The following CEP70 variants were observed in gnomAD, a reference collection of about 807,000 sequenced individuals.
CEP70 encodes centrosomal protein 70.
Under a neutral mutation model 90.9 loss-of-function variants are expected in CEP70, and 70 were observed. That is an observed-to-expected ratio of 0.77 (90% confidence interval 0.64 to 0.94). CEP70 has a LOEUF of 0.94. Among genes scored for constraint, CEP70 ranks in the 40% least tolerant of loss-of-function variants. CEP70 has a pLI of 0.00. For missense variants in CEP70, 648 were observed against 669.0 expected (o/e 0.97, Z 0.35); for synonymous variants, 220 against 228.3 (o/e 0.96, Z 0.33).
rs141242189 is a variant in CEP70 at position 138,505,965 on chromosome 3, G to A, written c.1051-500C>T. On this transcript the variant is annotated intron_variant, in intron 12 of 17. Coordinates refer to ENST00000264982, the MANE Select transcript of CEP70 (RefSeq NM_024491.4). ...CCAGAATAATGTTTAACCAAATATC[G>A]GGCATCCTATGCCGCAGTAAAGTTG... is the stretch of plus-strand genomic sequence containing the variant. Among the ~76,000 whole-genome samples, 1,038 of 152,188 alleles carry A rather than the reference G, an allele frequency of 6.8e-3. 5 individuals carry two copies. Among genetic ancestry groups the A allele is most frequent in the Non-Finnish European group, 0.011 (754 of 68,014 alleles).
intron 11 of CEP70, among the ~76,000 whole-genome samples, chr3:138,509,418 G>T (rs1000102623): frequency 5.9e-5 from 9 of 152,134 alleles, no homozygotes; most frequent in African/African-American, 2.2e-4. Flanking sequence ...ATTATTCCAG[G>T]TGGCTACTAG....
chr3:138,527,884 A>G (rs188628014), intron 10 of CEP70, among the ~76,000 whole-genome samples: 3 of 151,978 alleles, frequency 2.0e-5, no homozygotes, highest in Admixed American at 2.0e-4. Context: ...TGTGATTGTT[A>G]GGGTGATTAT....
intron 6 of CEP70, 92 bp from the exon 7 acceptor site, chr3:138,537,439 T>C: frequency 1.3e-6 from 1 of 798,638 alleles, no homozygotes; most frequent in Non-Finnish European, 1.8e-6. Context: ...CTTCATAGTT[T>C]CTACTGAGCT....
At chr3:138,592,284 C>T (rs1287981188) in intron 1 of CEP70, among the ~76,000 whole-genome samples, 1 of 152,218 alleles carries the variant, frequency 6.6e-6, no homozygotes, top group African/African-American at 2.4e-5. Flanking sequence ...GAAGCATCCT[C>T]AGACAAACTA....
At chr3:138,590,792 C>G (rs936344275) in intron 2 of CEP70, among the ~76,000 whole-genome samples, 1 of 151,472 alleles carries the variant, frequency 6.6e-6, no homozygotes, top group African/African-American at 2.4e-5. Flanking sequence ...GCCTGGACAA[C>G]AGAATGAGAC....
intron 8 of CEP70, among the ~76,000 whole-genome samples, chr3:138,531,356 C>CTAAAA (rs2107768554): frequency 6.6e-6 from 1 of 152,214 alleles, no homozygotes; most frequent in East Asian, 1.9e-4. Context: ...TCTACTCTTA[C>CTAAAA]TAAAAACCCC....
At chr3:138,501,882 G>A (rs184615867) in intron 13 of CEP70, among the ~76,000 whole-genome samples, 7 of 152,196 alleles carry the variant, frequency 4.6e-5, no homozygotes, top group Admixed American at 1.3e-4. Context: ...TCTGAATTTC[G>A]GATTTTTGGA....
rs544033926 is a variant in CEP70 at position 138,525,635 on chromosome 3, C to T, written c.870-71G>A. 1.5e-4 allele frequency: 98 copies of T among 674,506 alleles called. No individual in the cohort carries two copies. In the South Asian group the frequency reaches 2.1e-3, roughly 14 times the overall value. 41.8% of individuals were successfully genotyped at this position (674,506 alleles called of 1,614,324 possible). A position where few individuals can be genotyped will look rare whatever the true frequency, so the allele number is the denominator to read the frequency against. ...AAGCATAAAGGTACTTAAATATTAA[C>T]GACATACAAAACTTTGTTACTTGTC... On this transcript the variant is annotated intron_variant, in intron 10 of 17. Coordinates refer to ENST00000264982, the MANE Select transcript of CEP70 (RefSeq NM_024491.4).
chr3:138,580,110 G>A (rs899429895), intron 2 of CEP70, among the ~76,000 whole-genome samples: 1 of 152,064 alleles, frequency 6.6e-6, no homozygotes, highest in Non-Finnish European at 1.5e-5. Flanking sequence ...TAGACAAGTG[G>A]AGCCTTCTCT....
At chr3:138,553,299 G>A (rs1049224187) in intron 6 of CEP70, among the ~76,000 whole-genome samples, 2 of 152,100 alleles carry the variant, frequency 1.3e-5, no homozygotes, top group East Asian at 1.9e-4. Context: ...CTAACACGGT[G>A]AAACCCCGTG....
At chr3:138,567,640 A>G (rs1228124006) in intron 6 of CEP70, among the ~76,000 whole-genome samples, 2 of 152,142 alleles carry the variant, frequency 1.3e-5, no homozygotes, top group East Asian at 3.9e-4. Context: ...AGTCCTTAAT[A>G]TATTTACCTT....
At chr3:138,554,920 T>C (rs1241298785) in intron 6 of CEP70, among the ~76,000 whole-genome samples, 3 of 152,110 alleles carry the variant, frequency 2.0e-5, no homozygotes. Flanking sequence ...ACGCCACATG[T>C]AGAAGAATGA....
intron 17 of CEP70, chr3:138,496,309 C>A: frequency 1.0e-6 from 1 of 985,358 alleles, no homozygotes; most frequent in Non-Finnish European, 1.2e-6. Flanking sequence ...TCCTACTATT[C>A]ATTTAGTTCT....
At chr3:138,520,617 G>T (rs1467453001) in intron 11 of CEP70, among the ~76,000 whole-genome samples, 2 of 152,180 alleles carry the variant, frequency 1.3e-5, no homozygotes, top group Non-Finnish European at 2.9e-5. Context: ...CAGAAATAAA[G>T]ATGTTCTTTG....
intron 2 of CEP70, among the ~76,000 whole-genome samples, chr3:138,573,380 T>TAAAA (rs561753739): frequency 6.7e-5 from 8 of 118,724 alleles, no homozygotes; most frequent in African/African-American, 2.5e-4. Flanking sequence ...TGGGATACAG[T>TAAAA]AAAAAAAAAA....
chr3:138,554,770 C>T (rs1462683619), intron 6 of CEP70, among the ~76,000 whole-genome samples: 1 of 152,100 alleles, frequency 6.6e-6, no homozygotes, highest in Non-Finnish European at 1.5e-5. Flanking sequence ...AGGTGAAAGA[C>T]CTCTTCAGCA....
intron 2 of CEP70, among the ~76,000 whole-genome samples, chr3:138,590,857 T>C (rs567612626): frequency 4.6e-5 from 7 of 151,778 alleles, no homozygotes; most frequent in Middle Eastern, 3.4e-3. Context: ...ACTACAAAAC[T>C]ATAAAACCCA....
chr3:138,522,546 C>G lies in CEP70; in HGVS notation c.944+2944G>C, dbSNP rs546092354. On this transcript the variant is annotated intron_variant, in intron 11 of 17. Transcript: ENST00000264982. The stretch of plus-strand genomic sequence containing the variant: ...ACAAAAAATGATAAAGGGGATATCA[C>G]CACAGATCCCACAGAAATACAAACT... Among the ~76,000 whole-genome samples the G allele has an allele frequency of 3.9e-5, 6 of 152,130 alleles. No individual in the cohort carries two copies. The South Asian group carries it at 1.2e-3, about 32-fold the overall frequency.
intron 2 of CEP70, among the ~76,000 whole-genome samples, chr3:138,574,913 A>C (rs1432564230): frequency 6.6e-6 from 1 of 152,202 alleles, no homozygotes; most frequent in Non-Finnish European, 1.5e-5. Context: ...AACATTAACA[A>C]AAAGGACATC....
Sources: gnomAD v4.1 joint callset for allele counts (sites outside exome capture counted in the v4.1 genomes callset) on GRCh38, gnomAD v4.1.1 for gene constraint, MANE v1.5 for transcripts, NCBI Gene and HGNC (gene_info 2026-07-23, HGNC 2026-07-21) for gene names.